The following SSU72 variants were observed in gnomAD, a reference collection of about 807,000 sequenced individuals.
SSU72 encodes the protein SSU72 homolog, RNA polymerase II CTD phosphatase.
In SSU72, 12 loss-of-function variants were observed where a neutral mutation model predicts 22.7. That is an observed-to-expected ratio of 0.53 (90% CI 0.34 to 0.86). The LOEUF (loss-of-function observed/expected upper bound fraction) is 0.86. SSU72 is among the 40% of genes least tolerant of loss of function. The probability of loss-of-function intolerance (pLI) is 0.02; values close to 1 mark genes in which losing one functional copy is unlikely to be tolerated. For missense variants in SSU72, 151 were observed against 249.8 expected, an observed-to-expected ratio of 0.60 and a Z score of 2.67; for synonymous variants, 116 against 98.3, an observed-to-expected ratio of 1.18 and a Z score of -1.06.
chr1:1,548,183 G>C (rs1050741726), intron 2 of SSU72, among the ~76,000 whole-genome samples: 2 of 152,186 alleles, frequency 1.3e-5, no homozygotes, highest in Non-Finnish European at 2.9e-5. Context: ...CAGGGACCAC[G>C]TTCAGTAGAG....
intron 1 of SSU72, among the ~76,000 whole-genome samples, chr1:1,569,429 T>TA (rs1479053194): frequency 6.6e-6 from 1 of 152,126 alleles, no homozygotes; most frequent in Admixed American, 6.5e-5. Flanking sequence ...TGTCGACACT[T>TA]ACTATCACTT....
intron 1 of SSU72, among the ~76,000 whole-genome samples, chr1:1,565,562 C>G (rs992292828): frequency 1.3e-5 from 2 of 152,260 alleles, no homozygotes; most frequent in African/African-American, 4.8e-5. Context: ...AAGGGACTCA[C>G]AAAGGTCCAA....
At chr1:1,550,104 G>T (rs142142110) in intron 2 of SSU72, among the ~76,000 whole-genome samples, 3,275 of 151,108 alleles carry the variant, frequency 0.022, 121 homozygotes, top group African/African-American at 0.075. Flanking sequence ...ACTTGAACCT[G>T]GGAGGGGAGA....
intron 2 of SSU72, among the ~76,000 whole-genome samples, chr1:1,547,987 C>T (rs1642412036): frequency 6.6e-6 from 1 of 152,226 alleles, no homozygotes; most frequent in African/African-American, 2.4e-5. Flanking sequence ...AAGGCGACAC[C>T]AGGCGGAGGG....
At chr1:1,550,003 C>T (rs1488187596) in intron 2 of SSU72, among the ~76,000 whole-genome samples, 1 of 150,050 alleles carries the variant, frequency 6.7e-6, no homozygotes, top group African/African-American at 2.5e-5. Flanking sequence ...GGCAAAACCC[C>T]GTCTTCTCTA....
chr1:1,570,485 T>C (rs1642715167), intron 1 of SSU72, among the ~76,000 whole-genome samples: 2 of 150,766 alleles, frequency 1.3e-5, no homozygotes, highest in Non-Finnish European at 3.0e-5. Flanking sequence ...AAGAGCCACA[T>C]GCAAGATGGA....
intron 2 of SSU72, among the ~76,000 whole-genome samples, chr1:1,558,081 A>T (rs1642542246): frequency 6.6e-6 from 1 of 151,950 alleles, no homozygotes; most frequent in Non-Finnish European, 1.5e-5. Context: ...ACATGCCTGA[A>T]ATCCCAGCTA....
intron 2 of SSU72, among the ~76,000 whole-genome samples, chr1:1,557,550 T>C (rs1295555662): frequency 1.3e-5 from 2 of 152,138 alleles, no homozygotes; most frequent in African/African-American, 4.8e-5. Flanking sequence ...TCTCAAAACT[T>C]TGGAAGGCCA....
At chr1:1,544,041 C>T in intron 3 of SSU72, 54 bp from the exon 4 acceptor site, 1 of 1,409,914 alleles carries the variant, frequency 7.1e-7, no homozygotes, top group Admixed American at 1.7e-5. Context: ...AGGGAACAGG[C>T]AGTCAATGTG....
intron 1 of SSU72, among the ~76,000 whole-genome samples, chr1:1,566,350 T>C (rs570598173): frequency 9.9e-5 from 15 of 152,234 alleles, no homozygotes; most frequent in South Asian, 6.2e-4. Context: ...CTAAAAAATA[T>C]AGACTTCTCA....
At chr1:1,565,684 T>G (rs6656541) in intron 1 of SSU72, among the ~76,000 whole-genome samples, 4,160 of 147,564 alleles carry the variant, frequency 0.028, 222 homozygotes, top group South Asian at 0.056. Flanking sequence ...AGGCTCAGGG[T>G]TGCTGCAGGC....
intron 2 of SSU72, among the ~76,000 whole-genome samples, chr1:1,549,056 T>C (rs993577704): frequency 6.6e-6 from 1 of 151,892 alleles, no homozygotes; most frequent in Non-Finnish European, 1.5e-5. Context: ...GAGGATGCCT[T>C]GAATCCAGGA....
In SSU72 at chr1:1,544,802, G is replaced by A. The variant is rs1030394754; in HGVS notation, c.364+61C>T. On this transcript the variant is annotated intron_variant, in intron 3 of 4. Transcript: ENST00000291386. ...GTACTGGTCATGGTGGGGCCCTGCA[G>A]GCATCCCCAGACCCTGTGAGAGCTG... is the stretch of plus-strand genomic sequence containing the variant. The A allele has an allele frequency of 2.5e-6, 4 of 1,611,684 alleles. No individual in the cohort carries two copies. The African/African-American group carries it at 5.3e-5, about 22-fold the overall frequency.
At chr1:1,565,026 A>C in intron 1 of SSU72, 110 bp from the exon 2 acceptor site, 1 of 1,390,144 alleles carries the variant, frequency 7.2e-7, no homozygotes, top group Admixed American at 2.6e-5. Context: ...ATTGGCTCAT[A>C]GTAGAGAATA....
At position 1,542,504 on chromosome 1, in the gene SSU72, C is replaced by G. The variant is rs563326851; in HGVS notation, c.484-337G>C. 6.6e-6 allele frequency among the ~76,000 whole-genome samples: 1 copy of G among 152,158 alleles called. No homozygotes were observed. Among genetic ancestry groups the G allele is most frequent in the Non-Finnish European group, 1.5e-5 (1 of 68,032 alleles). ...CAGCGGGGCCGACCAACCCTCACCG[C>G]CAGCGCTTCCACACCACCAACAAGC... On this transcript the variant is annotated intron_variant, in intron 4 of 4. Transcript: ENST00000291386. The surrounding 1 kb of genome is among the most constrained non-coding windows in gnomAD (Gnocchi z 4.4).
chr1:1,570,569 C>G (rs1399718446), intron 1 of SSU72, among the ~76,000 whole-genome samples: 1 of 95,594 alleles, frequency 1.0e-5, no homozygotes, highest in Non-Finnish European at 2.7e-5. Flanking sequence ...TCTGCAGGGA[C>G]CCCCCCCACC....
At chr1:1,557,898 G>A (rs916323068) in intron 2 of SSU72, among the ~76,000 whole-genome samples, 1 of 152,108 alleles carries the variant, frequency 6.6e-6, no homozygotes, top group African/African-American at 2.4e-5. Context: ...TTCAGAGGAC[G>A]GACATGAACA....
At chr1:1,567,371 C>T (rs116642201) in intron 1 of SSU72, among the ~76,000 whole-genome samples, 2,496 of 152,292 alleles carry the variant, frequency 0.016, 83 homozygotes, top group African/African-American at 0.056. Context: ...CTACCACACA[C>T]GGCCAGAAAT....
At chr1:1,551,819 G>A (rs539357247) in intron 2 of SSU72, among the ~76,000 whole-genome samples, 2 of 152,356 alleles carry the variant, frequency 1.3e-5, no homozygotes, top group East Asian at 1.9e-4. Context: ...GGTGGGGCCC[G>A]AGGCCTGTGC....
Sources: gnomAD v4.1 joint callset for allele counts (sites outside exome capture counted in the v4.1 genomes callset) on GRCh38, gnomAD v4.1.1 for gene constraint, Gnocchi (gnomAD v3.1) non-coding constraint, MANE v1.5 for transcripts, NCBI Gene and HGNC (gene_info 2026-07-23, HGNC 2026-07-21) for gene names.